VSTM5: variants seen among roughly 807,000 people sequenced by gnomAD.
The protein encoded by VSTM5 is V-set and transmembrane domain containing 5, also known as V-set and transmembrane domain-containing protein 5.
In VSTM5, 21 loss-of-function variants were observed where a neutral mutation model predicts 20.3. That is an observed-to-expected ratio of 1.03 (90% CI 0.73 to 1.49). The LOEUF is 1.49. Among genes scored for constraint, VSTM5 ranks in the 40% most tolerant of loss-of-function variants. VSTM5 has a pLI of 0.00. For missense variants in VSTM5, 219 were observed against 250.0 expected (o/e 0.88, Z 0.84); for synonymous variants, 100 against 102.5 (o/e 0.98, Z 0.14).
At chr11:93,850,366 A>AC in intron 1 of VSTM5, 46 bp downstream of exon 1, 1 of 1,514,202 alleles carries the variant, frequency 6.6e-7, no homozygotes, top group Non-Finnish European at 8.9e-7. Context: ...GTGCCCCCCT[A>AC]CCCATTCCCG....
chr11:93,833,753 A>G (rs1944301085), intron 1 of VSTM5, among the ~76,000 whole-genome samples: 1 of 151,904 alleles, frequency 6.6e-6, no homozygotes, highest in South Asian at 2.1e-4. Context: ...CTTTCTCTTC[A>G]TTCTTTAAAC....
chr11:93,829,221 C>T (rs779933083), intron 1 of VSTM5, among the ~76,000 whole-genome samples: 17 of 152,136 alleles, frequency 1.1e-4, no homozygotes, highest in African/African-American at 2.7e-4. Context: ...AAATCAGGAC[C>T]GTCATGGGCA....
chr11:93,822,382 A>G (rs1473755072), intron 1 of VSTM5, among the ~76,000 whole-genome samples: 1 of 148,114 alleles, frequency 6.8e-6, no homozygotes. Context: ...GCACCCAGCC[A>G]TCTCCTTTTT....
At chr11:93,838,505 A>G (rs953908916) in intron 1 of VSTM5, among the ~76,000 whole-genome samples, 3 of 151,514 alleles carry the variant, frequency 2.0e-5, no homozygotes, top group Non-Finnish European at 4.4e-5. Context: ...ACAAAAAAGC[A>G]ACCAGGCCGA....
chr11:93,837,011 GCACACACA>G lies in VSTM5; in HGVS notation c.91+13393_91+13400del, dbSNP rs59949447. On this transcript the variant is annotated intron_variant, in intron 1 of 3. Coordinates refer to ENST00000409977, the MANE Select transcript of VSTM5 (RefSeq NM_001144871.2). ...CTTCTTTTTGCCTGAAAAAAAAAATGCACACACACACACACACACACACACACACATAT... is the reference window on the plus strand; with the variant it reads ...CTTCTTTTTGCCTGAAAAAAAAAATGCACACACACACACACACACACATAT... Among the ~76,000 whole-genome samples the G allele has an allele frequency of 7.1e-5, 10 of 140,832 alleles. No individual in the cohort carries two copies. The East Asian group carries it at 8.6e-4, about 12-fold the overall frequency. 92.4% of individuals were successfully genotyped at this position (140,832 alleles called of 152,430 possible).
chr11:93,842,918 A>G (rs1489590641), intron 1 of VSTM5, among the ~76,000 whole-genome samples: 1 of 152,138 alleles, frequency 6.6e-6, no homozygotes, highest in Non-Finnish European at 1.5e-5. Context: ...CCTGGCCAAC[A>G]TGGTGAAACC....
intron 1 of VSTM5, among the ~76,000 whole-genome samples, chr11:93,848,781 G>A (rs142497009): frequency 1.2e-3 from 177 of 152,316 alleles, no homozygotes; most frequent in African/African-American, 3.8e-3. Flanking sequence ...CAGGGAGAGG[G>A]TACAGTCAAT....
At chr11:93,843,533 C>G (rs982431242) in intron 1 of VSTM5, among the ~76,000 whole-genome samples, 3 of 152,024 alleles carry the variant, frequency 2.0e-5, no homozygotes, top group Non-Finnish European at 4.4e-5. Flanking sequence ...AGTTTCTGCA[C>G]CTATAAAATA....
intron 1 of VSTM5, among the ~76,000 whole-genome samples, chr11:93,836,276 C>A (rs1479913910): frequency 6.6e-6 from 1 of 152,256 alleles, no homozygotes; most frequent in African/African-American, 2.4e-5. Flanking sequence ...TTACTGTCTA[C>A]ACAGCATCCT....
chr11:93,848,509 G>T (rs1392063626), intron 1 of VSTM5, among the ~76,000 whole-genome samples: 2 of 152,176 alleles, frequency 1.3e-5, no homozygotes, highest in African/African-American at 4.8e-5. Flanking sequence ...GGTACACCCT[G>T]CATTCCCTTT....
intron 1 of VSTM5, among the ~76,000 whole-genome samples, chr11:93,829,082 A>G (rs1169185572): frequency 6.6e-6 from 1 of 152,222 alleles, no homozygotes; most frequent in African/African-American, 2.4e-5. Context: ...GTGTTCATCC[A>G]GGAGCCGCAG....
chr11:93,835,026 G>A (rs1012729853), intron 1 of VSTM5, among the ~76,000 whole-genome samples: 2 of 152,092 alleles, frequency 1.3e-5, no homozygotes, highest in Non-Finnish European at 2.9e-5. Context: ...ACCACACTAT[G>A]CCCTCTGCTG....
chr11:93,845,600 G>T (rs1309563453), intron 1 of VSTM5, among the ~76,000 whole-genome samples: 3 of 152,094 alleles, frequency 2.0e-5, no homozygotes, highest in Non-Finnish European at 4.4e-5. Flanking sequence ...ATTCCTGCTG[G>T]ATAAGTAATT....
intron 1 of VSTM5, among the ~76,000 whole-genome samples, chr11:93,829,697 T>C (rs1228775620): frequency 6.6e-6 from 1 of 152,178 alleles, no homozygotes; most frequent in Non-Finnish European, 1.5e-5. Flanking sequence ...TCTGGCTCCC[T>C]AATGCATCTC....
chr11:93,840,758 C>T (rs1002716871), intron 1 of VSTM5, among the ~76,000 whole-genome samples: 10 of 152,104 alleles, frequency 6.6e-5, no homozygotes, highest in African/African-American at 2.4e-4. Flanking sequence ...ATTGCAGGGC[C>T]CGGTCCCCAG....
intron 1 of VSTM5, 110 bp downstream of exon 1, chr11:93,850,302 G>C: frequency 1.1e-6 from 1 of 918,800 alleles, no homozygotes; most frequent in South Asian, 1.8e-5. Context: ...GCCCTCAGCC[G>C]GACAAGGTGG....
intron 1 of VSTM5, among the ~76,000 whole-genome samples, chr11:93,832,437 C>T (rs1326570336): frequency 6.6e-6 from 1 of 152,178 alleles, no homozygotes; most frequent in Non-Finnish European, 1.5e-5. Context: ...AAACCAGAAG[C>T]TGTGGTTGTC....
intron 1 of VSTM5, among the ~76,000 whole-genome samples, chr11:93,843,832 C>T (rs965080454): frequency 6.6e-6 from 1 of 152,136 alleles, no homozygotes. Flanking sequence ...CCTATGACTC[C>T]TCACCCCCAA....
At chr11:93,823,338 T>A (rs1486966312) in intron 1 of VSTM5, among the ~76,000 whole-genome samples, 3 of 152,030 alleles carry the variant, frequency 2.0e-5, no homozygotes, top group Non-Finnish European at 2.9e-5. Flanking sequence ...TCTTTAAAAA[T>A]TTTTTTTAAA....
Sources: allele counts gnomAD v4.1 joint callset (sites outside exome capture counted in the v4.1 genomes callset), GRCh38; gene constraint gnomAD v4.1.1; transcripts MANE v1.5; gene names NCBI Gene and HGNC (gene_info 2026-07-23, HGNC 2026-07-21).